IL1RAPL2: variants seen among roughly 807,000 people sequenced by gnomAD.
IL1RAPL2 encodes interleukin 1 receptor accessory protein like 2.
Under a neutral mutation model 44.1 loss-of-function variants are expected in IL1RAPL2, and 3 were observed. The observed-to-expected ratio is 0.07, with a 90% CI of 0.03 to 0.18. The LOEUF (loss-of-function observed/expected upper bound fraction) is 0.18. Among genes scored for constraint, IL1RAPL2 ranks in the 10% least tolerant of loss-of-function variants. IL1RAPL2 has a pLI of 1.00. For missense variants in IL1RAPL2, 391 were observed against 496.4 expected, an observed-to-expected ratio of 0.79 and a Z score of 2.02; for synonymous variants, 181 against 178.8, an observed-to-expected ratio of 1.01 and a Z score of -0.10.
intron 2 of IL1RAPL2, among the ~76,000 whole-genome samples, chrX:104,697,430 T>C (rs1204916070): frequency 8.9e-6 from 1 of 112,581 alleles, no homozygotes; most frequent in African/African-American, 3.2e-5. Flanking sequence ...TGAACTGAGA[T>C]TTATTGCAGT....
intron 5 of IL1RAPL2, among the ~76,000 whole-genome samples, chrX:105,390,716 A>G (rs1471763579): frequency 9.0e-6 from 1 of 110,784 alleles, no homozygotes; most frequent in East Asian, 2.9e-4. Flanking sequence ...CTAGGGCCTA[A>G]TTAGCCATAT....
intron 5 of IL1RAPL2, among the ~76,000 whole-genome samples, chrX:105,280,721 T>C (rs1448670546): frequency 1.8e-5 from 2 of 111,151 alleles, no homozygotes; most frequent in African/African-American, 6.5e-5. Context: ...AAAACCACAA[T>C]GAGATACCAT....
At chrX:104,849,508 C>T (rs1006343458) in intron 2 of IL1RAPL2, among the ~76,000 whole-genome samples, 14 of 107,842 alleles carry the variant, frequency 1.3e-4, no homozygotes, top group Admixed American at 4.0e-4. Flanking sequence ...TGGGTGTTTA[C>T]CTAAGTAATA....
At chrX:105,154,221 G>A (rs2033251326) in intron 2 of IL1RAPL2, among the ~76,000 whole-genome samples, 2 of 111,364 alleles carry the variant, frequency 1.8e-5, no homozygotes, top group Non-Finnish European at 3.8e-5. Flanking sequence ...AATGAGGTAT[G>A]TCTGACCCCA....
At chrX:105,463,732 G>A (rs931319029) in intron 5 of IL1RAPL2, among the ~76,000 whole-genome samples, 3 of 111,992 alleles carry the variant, frequency 2.7e-5, no homozygotes, top group African/African-American at 9.7e-5. Context: ...TGTGTACAGA[G>A]TAATGGTTCT....
In IL1RAPL2 at chrX:105,322,918, G is replaced by C. The variant is rs1294802527; in HGVS notation, c.697+55377G>C. Among the ~76,000 whole-genome samples, 14 of 111,527 alleles carry C rather than the reference G, an allele frequency of 1.3e-4. No homozygotes were observed. The Admixed American group carries it at 1.3e-3, about 11-fold the overall frequency. On this transcript the variant is annotated intron_variant, in intron 5 of 10. Coordinates refer to ENST00000372582, the MANE Select transcript of IL1RAPL2 (RefSeq NM_017416.2). ...TTATTGGAGGCCATCTTAAAATTCT[G>C]CCTACCATAATATTAATGAATGAAC...
chrX:105,363,697 A>G (rs1008352345), intron 5 of IL1RAPL2, among the ~76,000 whole-genome samples: 1 of 110,328 alleles, frequency 9.1e-6, no homozygotes, highest in Admixed American at 9.8e-5. Flanking sequence ...TGATAATTAG[A>G]AATTTTGAGC....
intron 5 of IL1RAPL2, among the ~76,000 whole-genome samples, chrX:105,329,131 A>G (rs2034965323): frequency 1.8e-5 from 2 of 112,278 alleles, no homozygotes; most frequent in Admixed American, 9.5e-5. Flanking sequence ...TTCTGATTCA[A>G]AGTTCATTAA....
chrX:105,563,102 G>A (rs1444216676), intron 6 of IL1RAPL2, among the ~76,000 whole-genome samples: 1 of 111,748 alleles, frequency 8.9e-6, no homozygotes, highest in Non-Finnish European at 1.9e-5. Context: ...ATCTCTCTGA[G>A]AAGGTAACAT....
chrX:104,892,565 T>G (rs188414887), intron 2 of IL1RAPL2, among the ~76,000 whole-genome samples: 1 of 112,291 alleles, frequency 8.9e-6, no homozygotes, highest in East Asian at 2.8e-4. Context: ...CTAGATTTTC[T>G]AGTTTATTTG....
At chrX:105,678,311 T>C (rs1156971631) in intron 6 of IL1RAPL2, among the ~76,000 whole-genome samples, 3 of 112,014 alleles carry the variant, frequency 2.7e-5, no homozygotes, top group African/African-American at 9.7e-5. Context: ...AAAAATGGGG[T>C]ATTCATCCCC....
At chrX:105,112,160 T>C (rs1201350177) in intron 2 of IL1RAPL2, among the ~76,000 whole-genome samples, 1 of 112,115 alleles carries the variant, frequency 8.9e-6, no homozygotes, top group African/African-American at 3.2e-5. Context: ...AGAAATTCTA[T>C]TACCCAGCAG....
chrX:105,407,532 G>T (rs189318348), intron 5 of IL1RAPL2, among the ~76,000 whole-genome samples: 2 of 111,746 alleles, frequency 1.8e-5, no homozygotes, highest in Non-Finnish European at 3.8e-5. Flanking sequence ...TTTATAAATA[G>T]CTTTAGTGAC....
intron 2 of IL1RAPL2, among the ~76,000 whole-genome samples, chrX:105,032,024 G>T (rs889532792): frequency 6.3e-5 from 7 of 111,405 alleles, no homozygotes; most frequent in Non-Finnish European, 1.1e-4. Context: ...AGAGGTGTTT[G>T]TAGTATTCTC....
chrX:105,607,783 T>C (rs1394187589), intron 6 of IL1RAPL2, among the ~76,000 whole-genome samples: 1 of 109,809 alleles, frequency 9.1e-6, no homozygotes, highest in East Asian at 2.9e-4. Flanking sequence ...GTTCTTATAG[T>C]AGTCCAGGGT....
chrX:105,450,097 G>A (rs1047261696), intron 5 of IL1RAPL2, among the ~76,000 whole-genome samples: 9 of 111,998 alleles, frequency 8.0e-5, no homozygotes, highest in African/African-American at 2.9e-4. Context: ...CATTGGGATG[G>A]GCGATTCCCC....
chrX:105,368,241 CTT>C (rs2035310859), intron 5 of IL1RAPL2, among the ~76,000 whole-genome samples: 1 of 111,298 alleles, frequency 9.0e-6, no homozygotes, highest in African/African-American at 3.3e-5. Flanking sequence ...GTTTCTCTCT[CTT>C]GCATCCTGTC....
At chrX:105,212,520 G>A (rs782524253) in intron 3 of IL1RAPL2, among the ~76,000 whole-genome samples, 5 of 111,970 alleles carry the variant, frequency 4.5e-5, no homozygotes, top group East Asian at 5.7e-4. Flanking sequence ...GGGAAAGGGC[G>A]GCTGTGAGTG....
intron 2 of IL1RAPL2, among the ~76,000 whole-genome samples, chrX:105,179,317 C>G (rs782613248): frequency 8.9e-6 from 1 of 111,906 alleles, no homozygotes; most frequent in Non-Finnish European, 1.9e-5. Context: ...TAGTTTTATT[C>G]CTGGGTTCTC....
Sources: allele counts gnomAD v4.1 joint callset (sites outside exome capture counted in the v4.1 genomes callset), GRCh38; gene constraint gnomAD v4.1.1; transcripts MANE v1.5; gene names NCBI Gene and HGNC (gene_info 2026-07-23, HGNC 2026-07-21).